Variants in KRAS observed in about 807,000 individuals in gnomAD.
KRAS encodes the protein GTPase KRas.
In KRAS, 1 loss-of-function variant was observed where a neutral mutation model predicts 21.0. That is an observed-to-expected ratio of 0.05 (90% confidence interval 0.02 to 0.23). KRAS has a LOEUF of 0.23. Ranked by LOEUF, KRAS falls within the 10% of genes least tolerant of loss-of-function variation. The probability of loss-of-function intolerance (pLI) is 1.00; values close to 1 mark genes in which losing one functional copy is unlikely to be tolerated. For synonymous variants in KRAS, 67 were observed against 72.5 expected (o/e 0.92, Z 0.39); for missense variants, 107 against 221.8 (o/e 0.48, Z 3.29).
intron 2 of KRAS, among the ~76,000 whole-genome samples, chr12:25,228,178 CTTTTTTTTTT>C (rs34584556): frequency 5.1e-4 from 39 of 76,780 alleles, no homozygotes; most frequent in Non-Finnish European, 7.0e-4. Flanking sequence ...TTTCTTTCAT[CTTTTTTTTTT>C]TTTTTTTTTT....
At chr12:25,214,881 G>A (rs1474522476) in intron 4 of KRAS, among the ~76,000 whole-genome samples, 2 of 152,120 alleles carry the variant, frequency 1.3e-5, no homozygotes, top group Non-Finnish European at 2.9e-5. Context: ...AAAGAGGGCG[G>A]TAGGAGTCAT....
Position 25,209,768 on chromosome 12 carries a change from G to A in KRAS, c.*27C>T. 6.2e-7 allele frequency: 1 copy of A among 1,604,336 alleles called. No individual in the cohort carries two copies. Among genetic ancestry groups the A allele is most frequent in the Non-Finnish European group, 8.5e-7 (1 of 1,173,576 alleles). ...CAAAAATTACCACTTGTACTAGTAT[G>A]CCTTAAGAAAAAAGTACAAATTGTA... is the stretch of plus-strand genomic sequence containing the variant. On this transcript the variant is annotated 3_prime_UTR_variant, in exon 5 of 5. Transcript: ENST00000311936.
intron 1 of KRAS, among the ~76,000 whole-genome samples, chr12:25,247,177 T>G (rs1433630165): frequency 6.6e-6 from 1 of 151,954 alleles, no homozygotes; most frequent in Non-Finnish European, 1.5e-5. Flanking sequence ...AAAATGGGAG[T>G]AAATGCACAA....
intron 4 of KRAS, among the ~76,000 whole-genome samples, chr12:25,223,585 T>A (rs916847511): frequency 1.3e-5 from 2 of 152,172 alleles, no homozygotes; most frequent in Non-Finnish European, 2.9e-5. Context: ...GAAATTCAGT[T>A]TTTAATCCTC....
chr12:25,249,411 T>C (rs1951733845), intron 1 of KRAS, among the ~76,000 whole-genome samples: 1 of 147,024 alleles, frequency 6.8e-6, no homozygotes, highest in African/African-American at 2.5e-5. Context: ...ACCAACATGA[T>C]GAAACTCTGT....
At chr12:25,215,992 A>C (rs957944912) in intron 4 of KRAS, among the ~76,000 whole-genome samples, 2 of 152,198 alleles carry the variant, frequency 1.3e-5, no homozygotes. Context: ...GAGAATGAGA[A>C]GAAAAATGGT....
At chr12:25,215,867 TTTTAGTTTGCTAGTC>T (rs1366243054) in intron 4 of KRAS, among the ~76,000 whole-genome samples, 2 of 152,332 alleles carry the variant, frequency 1.3e-5, no homozygotes, top group East Asian at 3.9e-4. Context: ...AATGCAACCA[TTTTAGTTTGCTAGTC>T]CTGGAATTAA....
intron 4 of KRAS, 197 bp downstream of exon 4, chr12:25,225,417 T>C (rs1312500401): frequency 4.0e-6 from 2 of 495,258 alleles, no homozygotes; most frequent in East Asian, 7.0e-5. Context: ...ATTTTCAATG[T>C]AGAAAGAAAC....
intron 4 of KRAS, among the ~76,000 whole-genome samples, chr12:25,218,593 T>C (rs140286808): frequency 1.9e-3 from 297 of 152,334 alleles, no homozygotes; most frequent in African/African-American, 6.5e-3. Flanking sequence ...TACCAGTTAT[T>C]TACCACAGTT....
At chr12:25,249,543 T>G (rs953928664) in intron 1 of KRAS, among the ~76,000 whole-genome samples, 2 of 119,604 alleles carry the variant, frequency 1.7e-5, no homozygotes, top group African/African-American at 3.1e-5. Context: ...AGTGAGCCGA[T>G]ACCGCGCCAT....
At chr12:25,211,100 G>GC (rs1252673079) in intron 4 of KRAS, 1 of 152,094 alleles carries the variant, frequency 6.6e-6, no homozygotes, top group Non-Finnish European at 1.5e-5. Context: ...AGCAGAGGGA[G>GC]TCTTAGAAAC....
At chr12:25,245,099 T>G (rs1249327210) in intron 2 of KRAS, among the ~76,000 whole-genome samples, 175 bp downstream of exon 2, 2 of 152,188 alleles carry the variant, frequency 1.3e-5, no homozygotes, top group Non-Finnish European at 2.9e-5. Flanking sequence ...CCAAGGAAAG[T>G]AAAGTTCCCA....
intron 4 of KRAS, chr12:25,225,289 TA>T (rs201154259): frequency 0.92 from 124,388 of 135,760 alleles, 56,618 homozygotes; most frequent in East Asian, 0.96. Flanking sequence ...CTGTTCTTTA[TA>T]TATATATATA....
intron 2 of KRAS, among the ~76,000 whole-genome samples, chr12:25,232,263 T>C (rs1477173641): frequency 6.6e-6 from 1 of 152,208 alleles, no homozygotes; most frequent in East Asian, 1.9e-4. Context: ...CCCACTGTTT[T>C]TGTATTGCCC....
At chr12:25,228,063 A>G (rs913356739) in intron 2 of KRAS, among the ~76,000 whole-genome samples, 2 of 152,166 alleles carry the variant, frequency 1.3e-5, no homozygotes, top group Non-Finnish European at 2.9e-5. Flanking sequence ...AATGCAGGTT[A>G]ATCCAAAAAT....
At chr12:25,246,044 T>C (rs1396867590) in intron 1 of KRAS, among the ~76,000 whole-genome samples, 1 of 151,562 alleles carries the variant, frequency 6.6e-6, no homozygotes, top group African/African-American at 2.4e-5. Flanking sequence ...TTGACGACAT[T>C]TTAATGTGTG....
rs1951125579 is a variant in KRAS at position 25,205,453 on chromosome 12, C to A, written c.*4342G>T. Reference sequence around the variant, plus strand: ...CAAATGATGGAAAACAACTGGATCACACTGCATATGTCCCACAAAAGAAAG... The same window carrying A: ...CAAATGATGGAAAACAACTGGATCAAACTGCATATGTCCCACAAAAGAAAG... On this transcript the variant is annotated 3_prime_UTR_variant, in exon 5 of 5. Transcript: ENST00000311936. 4.6e-6 allele frequency: 1 copy of A among 215,362 alleles called. No homozygotes were observed. The highest frequency in any genetic ancestry group is 1.9e-4 in the South Asian group (1 of 5,370). The allele number at this position is 215,362 out of a possible 1,614,324, so 13.3% of individuals were successfully genotyped here.
rs1951165678 is a variant in KRAS at position 25,208,469 on chromosome 12, A to AACC, written c.*1323_*1325dup. On this transcript the variant is annotated 3_prime_UTR_variant, in exon 5 of 5. Coordinates refer to ENST00000311936, the MANE Select transcript of KRAS (RefSeq NM_004985.5). ...TAACCAGTGTTAAGAGAACTAGCCAAACCTAGAGATTGTAAAACTTTTTCA... is the reference window on the plus strand; with the variant it reads ...TAACCAGTGTTAAGAGAACTAGCCAAACCACCTAGAGATTGTAAAACTTTTTCA... 1 of 233,290 alleles carries AACC rather than the reference A, an allele frequency of 4.3e-6. No homozygotes were observed. The highest frequency in any genetic ancestry group is 1.8e-4 in the South Asian group (1 of 5,532). The allele number at this position is 233,290 out of a possible 1,614,324, so 14.5% of individuals were successfully genotyped here.
chr12:25,235,397 AT>A (rs1338024178), intron 2 of KRAS, among the ~76,000 whole-genome samples: 1 of 152,170 alleles, frequency 6.6e-6, no homozygotes, highest in Non-Finnish European at 1.5e-5. Flanking sequence ...GAAACAGGGA[AT>A]TTAGGGTATG....
Sources: gnomAD v4.1 joint callset for allele counts (sites outside exome capture counted in the v4.1 genomes callset) on GRCh38, gnomAD v4.1.1 for gene constraint, MANE v1.5 for transcripts, NCBI Gene and HGNC (gene_info 2026-07-23, HGNC 2026-07-21) for gene names.